IL13RA1: variants seen among roughly 807,000 people sequenced by gnomAD.
The protein encoded by IL13RA1 is interleukin-13 receptor subunit alpha-1.
Under a neutral mutation model 33.8 loss-of-function variants are expected in IL13RA1, and 14 were observed. The observed-to-expected ratio is 0.41, with a 90% CI of 0.27 to 0.65. The LOEUF (loss-of-function observed/expected upper bound fraction) is 0.65. IL13RA1 is among the 30% of genes least tolerant of loss of function. IL13RA1 has a pLI of 0.28. For synonymous variants in IL13RA1, 116 were observed against 115.7 expected, an observed-to-expected ratio of 1.00 and a Z score of -0.02; for missense variants, 313 against 327.0, an observed-to-expected ratio of 0.96 and a Z score of 0.33.
intron 1 of IL13RA1, among the ~76,000 whole-genome samples, chrX:118,735,452 A>C (rs1319222405): frequency 8.9e-6 from 1 of 111,925 alleles, no homozygotes; most frequent in African/African-American, 3.2e-5. Flanking sequence ...TATAGCTATA[A>C]ATTTTTCCAA....
intron 4 of IL13RA1, among the ~76,000 whole-genome samples, chrX:118,751,134 A>G (rs759485785): frequency 1.8e-5 from 2 of 112,135 alleles, no homozygotes; most frequent in East Asian, 5.6e-4. Flanking sequence ...TTCCTGCAAA[A>G]CAACTTTGAT....
intron 10 of IL13RA1, 72 bp downstream of exon 10, chrX:118,776,583 A>G (rs1444502906): frequency 2.7e-6 from 1 of 368,601 alleles, no homozygotes; most frequent in Non-Finnish European, 4.5e-6. Context: ...GCATTTTTTA[A>G]AAAAGTGTGG....
chrX:118,741,583 T>C (rs986832666), intron 2 of IL13RA1, among the ~76,000 whole-genome samples: 1 of 111,423 alleles, frequency 9.0e-6, no homozygotes, highest in Non-Finnish European at 1.9e-5. Context: ...TAAACGGCCA[T>C]ATGGAAAGTG....
At chrX:118,748,084 ATAATATATATTATATACATTATATG>A (rs2147373376) in intron 3 of IL13RA1, among the ~76,000 whole-genome samples, 1 of 102,272 alleles carries the variant, frequency 9.8e-6, no homozygotes, top group African/African-American at 3.5e-5. Context: ...TATACTATAT[ATAATATATATTATATACATTATATG>A]TAATATATAT....
chrX:118,788,226 A>G (rs2017940894), intron 10 of IL13RA1, among the ~76,000 whole-genome samples: 1 of 111,871 alleles, frequency 8.9e-6, no homozygotes, highest in Non-Finnish European at 1.9e-5. Flanking sequence ...ACACTTTCCT[A>G]TTTATATTTC....
At chrX:118,770,472 G>A in intron 8 of IL13RA1, 1 of 448,211 alleles carries the variant, frequency 2.2e-6, no homozygotes. Flanking sequence ...ACTGGCGCTG[G>A]CTGGTCTACG....
At chrX:118,799,726 T>C in the IL13RA1 span, among the ~76,000 whole-genome samples, 694 of 23,911 alleles carry the variant, frequency 0.029, no homozygotes, top group Middle Eastern at 0.042. Context: ...AATCAGCACC[T>C]TGTGTTTAGC....
intron 10 of IL13RA1, among the ~76,000 whole-genome samples, chrX:118,787,413 G>A (rs1190400471): frequency 9.0e-6 from 1 of 111,277 alleles, no homozygotes; most frequent in African/African-American, 3.3e-5. Context: ...CAAGGCAAAT[G>A]GGCAGGGCAA....
intron 5 of IL13RA1, 39 bp downstream of exon 5, chrX:118,758,281 AGT>A (rs1450921927): frequency 1.8e-6 from 1 of 567,395 alleles, no homozygotes; most frequent in Admixed American, 2.9e-5. Flanking sequence ...ATGGATAAAA[AGT>A]GTGTTATATC....
chrX:118,766,379 C>T (rs2017649206), intron 6 of IL13RA1, 151 bp from the exon 7 acceptor site: 2 of 362,527 alleles, frequency 5.5e-6, no homozygotes, highest in African/African-American at 2.6e-5. Flanking sequence ...GACCCAGCAC[C>T]ATTTATTAAA....
intron 1 of IL13RA1, among the ~76,000 whole-genome samples, chrX:118,740,654 G>A (rs1021927332): frequency 1.8e-5 from 2 of 111,981 alleles, no homozygotes; most frequent in African/African-American, 3.3e-5. Context: ...TTAGCCAGGC[G>A]TGGTGGCATG....
At chrX:118,785,744 A>G (rs1413604950) in intron 10 of IL13RA1, among the ~76,000 whole-genome samples, 1 of 109,879 alleles carries the variant, frequency 9.1e-6, no homozygotes, top group Non-Finnish European at 1.9e-5. Flanking sequence ...CTAATTTTGT[A>G]TTGTTATTAG....
chrX:118,744,703 G>A (rs763719975), intron 2 of IL13RA1, among the ~76,000 whole-genome samples: 1 of 111,689 alleles, frequency 9.0e-6, no homozygotes, highest in East Asian at 2.8e-4. Flanking sequence ...GACCCACCAC[G>A]CCTGGCCACT....
In IL13RA1 at chrX:118,728,224, A is replaced by G. The variant is rs1295408827; in HGVS notation, c.88+498A>G. On this transcript the variant is annotated intron_variant, in intron 1 of 10. Coordinates refer to ENST00000371666, the MANE Select transcript of IL13RA1 (RefSeq NM_001560.3). ...TTTGCCCGAGGCCGCGCCAATCCTC[A>G]CTGTCTAAGGGTGGCTCTTGCGAGT... 2.7e-5 allele frequency among the ~76,000 whole-genome samples: 3 copies of G among 112,295 alleles called. No homozygotes were observed. The East Asian group carries it at 8.5e-4, about 32-fold the overall frequency.
Position 118,766,915 on chromosome X carries a change from A to G in IL13RA1, c.948A>G (p.Thr316=). The G allele has an allele frequency of 9.0e-7, 1 of 1,112,021 alleles. No homozygotes were observed. The highest frequency in any genetic ancestry group is 1.2e-6 in the Non-Finnish European group (1 of 806,908). 91.6% of individuals were successfully genotyped at this position (1,112,021 alleles called of 1,213,427 possible). Residue 316 remains threonine, a synonymous_variant, in exon 8 of 11, where the codon ACA becomes ACG. Coordinates refer to ENST00000371666, the MANE Select transcript of IL13RA1 (RefSeq NM_001560.3). ...TLNTVRIRVK[T]NKLCYEDDKL... The stretch of plus-strand genomic sequence containing the variant: ...ACACAGTCAGAATAAGAGTCAAAAC[A>G]AATAAGTTATGCTATGAGGATGACA...
Position 118,792,065 on chromosome X carries a change from T to C in IL13RA1, c.*211T>C. On this transcript the variant is annotated 3_prime_UTR_variant, in exon 11 of 11. Coordinates refer to ENST00000371666, the MANE Select transcript of IL13RA1 (RefSeq NM_001560.3). ...GGAGAAGAGTGTGGAGTCATTCTCA[T>C]TGAATTATAAAAGCCAGCAGGCTTC... is the stretch of plus-strand genomic sequence containing the variant. 7.8e-6 allele frequency: 2 copies of C among 255,027 alleles called. No homozygotes were observed. The highest frequency in any genetic ancestry group is 2.8e-5 in the African/African-American group (1 of 35,740). The allele number at this position is 255,027 out of a possible 1,213,427, so 21.0% of individuals were successfully genotyped here.
At chrX:118,776,614 A>C (rs1285064294) in intron 10 of IL13RA1, 103 bp downstream of exon 10, 2 of 420,248 alleles carry the variant, frequency 4.8e-6, no homozygotes, top group East Asian at 7.9e-5. Flanking sequence ...ATAACATAAA[A>C]TTTATTATTT....
intron 8 of IL13RA1, among the ~76,000 whole-genome samples, chrX:118,768,347 G>A (rs927038401): frequency 9.0e-6 from 1 of 111,715 alleles, no homozygotes; most frequent in Non-Finnish European, 1.9e-5. Context: ...GTCTAGCCAC[G>A]GCTTAGCTGG....
intron 10 of IL13RA1, among the ~76,000 whole-genome samples, chrX:118,785,859 T>C (rs763469611): frequency 1.8e-5 from 2 of 112,047 alleles, no homozygotes; most frequent in Non-Finnish European, 3.8e-5. Context: ...CATGAGCCAC[T>C]GCGCCCAGCC....
Sources: gnomAD v4.1 joint callset for allele counts (sites outside exome capture counted in the v4.1 genomes callset) on GRCh38, gnomAD v4.1.1 for gene constraint, MANE v1.5 for transcripts, NCBI Gene and HGNC (gene_info 2026-07-23, HGNC 2026-07-21) for gene names.